The following ERCC6 variants were observed in gnomAD, a reference collection of about 807,000 sequenced individuals.
ERCC6 encodes the protein DNA excision repair protein ERCC-6.
In ERCC6, 116 loss-of-function variants were observed where a neutral mutation model predicts 158.7. The ratio of observed to expected loss-of-function variants is 0.73; its 90% CI spans 0.63 to 0.85. ERCC6 has a LOEUF of 0.85. Among genes scored for constraint, ERCC6 ranks in the 40% least tolerant of loss-of-function variants. The pLI is 0.00. For missense variants in ERCC6, 1,698 were observed against 1,799.4 expected (o/e 0.94, Z 1.02); for synonymous variants, 678 against 659.3 (o/e 1.03, Z -0.43).
chr10:49,536,630 G>A (rs1234297068), intron 1 of ERCC6, among the ~76,000 whole-genome samples: 1 of 152,212 alleles, frequency 6.6e-6, no homozygotes, highest in Non-Finnish European at 1.5e-5. Flanking sequence ...CTGTACAAGA[G>A]AAAAGGGAGT....
chr10:49,519,510 C>A (rs780313873), intron 5 of ERCC6, among the ~76,000 whole-genome samples: 19 of 152,156 alleles, frequency 1.2e-4, no homozygotes, highest in Non-Finnish European at 2.2e-4. Flanking sequence ...GCAGAGGAAC[C>A]AACTCAAATC....
intron 15 of ERCC6, 63 bp downstream of exon 15, chr10:49,472,846 A>G: frequency 6.3e-7 from 1 of 1,581,756 alleles, no homozygotes. Flanking sequence ...GACAGTCAAA[A>G]GCGCTAACCA....
intron 15 of ERCC6, 36 bp downstream of exon 15, chr10:49,472,872 AC>A: frequency 2.5e-6 from 4 of 1,603,712 alleles, no homozygotes; most frequent in Non-Finnish European, 3.4e-6. Flanking sequence ...CTATATTTCT[AC>A]TAATACATTC....
At chr10:49,518,864 GA>G (rs1837065976) in intron 5 of ERCC6, among the ~76,000 whole-genome samples, 1 of 152,172 alleles carries the variant, frequency 6.6e-6, no homozygotes, top group African/African-American at 2.4e-5. Context: ...CTTACACAAT[GA>G]ATGGAATCTT....
rs758120957 is a variant in ERCC6 at position 49,524,790 on chromosome 10, T to C, written c.653-13A>G. ...GATGGCCCCGGCTCTGAAAGAACAA[T>C]AGCAATGCGTTTCGCACTAGCATGA... On this transcript the variant is annotated splice_polypyrimidine_tract_variant and intron_variant, in intron 4 of 20. Coordinates refer to ENST00000355832, the MANE Select transcript of ERCC6 (RefSeq NM_000124.4). 107 of 1,599,702 alleles carry C rather than the reference T, an allele frequency of 6.7e-5. No individual in the cohort carries two copies. Among genetic ancestry groups the C allele is most frequent in the Non-Finnish European group, 8.8e-5 (104 of 1,179,880 alleles).
intron 8 of ERCC6, among the ~76,000 whole-genome samples, chr10:49,484,583 TAAAA>T (rs1851044279): frequency 6.6e-6 from 1 of 151,778 alleles, no homozygotes; most frequent in Non-Finnish European, 1.5e-5. Context: ...CTACAAAAAA[TAAAA>T]AAATTAGCAC....
At chr10:49,476,810 T>C (rs4253185) in intron 11 of ERCC6, among the ~76,000 whole-genome samples, 4 of 152,092 alleles carry the variant, frequency 2.6e-5, no homozygotes, top group Non-Finnish European at 5.9e-5. Context: ...TCGTGCTCTG[T>C]GACCCTTCAC....
chr10:49,450,348 T>TA (rs71026249), downstream of ERCC6, among the ~76,000 whole-genome samples: 1 of 152,142 alleles, frequency 6.6e-6, no homozygotes, highest in Non-Finnish European at 1.5e-5. Flanking sequence ...CACCATTTTT[T>TA]AAAAAAATAC....
intron 18 of ERCC6, among the ~76,000 whole-genome samples, chr10:49,467,798 G>A (rs190840145): frequency 6.6e-6 from 1 of 152,006 alleles, no homozygotes; most frequent in African/African-American, 2.4e-5. Context: ...TGAACTCCTA[G>A]GCTCAAGCAA....
intron 1 of ERCC6, among the ~76,000 whole-genome samples, chr10:49,538,053 G>A (rs1260671721): frequency 6.6e-6 from 1 of 152,218 alleles, no homozygotes; most frequent in African/African-American, 2.4e-5. Flanking sequence ...CTGGAACACC[G>A]AATTTTTGAC....
At chr10:49,436,950 A>T in the ERCC6 span, among the ~76,000 whole-genome samples, 1 of 152,206 alleles carries the variant, frequency 6.6e-6, no homozygotes, top group Non-Finnish European at 1.5e-5. Flanking sequence ...AAGTACAGTG[A>T]TATGGTTTGG....
chr10:49,537,521 ACAC>A (rs1837630458), intron 1 of ERCC6, among the ~76,000 whole-genome samples: 1 of 151,736 alleles, frequency 6.6e-6, no homozygotes, highest in African/African-American at 2.4e-5. Context: ...ACACACACAC[ACAC>A]ACACACACAC....
At position 49,458,723 on chromosome 10, in the gene ERCC6, C is replaced by T; in HGVS notation, c.*92G>A. On this transcript the variant is annotated 3_prime_UTR_variant, in exon 21 of 21. Coordinates refer to ENST00000355832, the MANE Select transcript of ERCC6 (RefSeq NM_000124.4). ...GCAAACAAACATCAAGTGCAGCCAA[C>T]TTCCATTGACAAACATGATTATTAA... The T allele has an allele frequency of 7.5e-7, 1 of 1,332,226 alleles. No homozygotes were observed. Among genetic ancestry groups the T allele is most frequent in the South Asian group, 1.2e-5 (1 of 81,538 alleles). 82.5% of individuals were successfully genotyped at this position (1,332,226 alleles called of 1,614,324 possible).
At chr10:49,515,565 C>A in intron 5 of ERCC6, 1 of 1,614,026 alleles carries the variant, frequency 6.2e-7, no homozygotes, top group South Asian at 1.1e-5. Context: ...TACCACACGT[C>A]GACGAAACTC....
chr10:49,473,134 A>T, intron 14 of ERCC6, 106 bp from the exon 15 acceptor site: 1 of 1,483,488 alleles, frequency 6.7e-7, no homozygotes, highest in Non-Finnish European at 9.4e-7. Context: ...GCTGTTCCCA[A>T]TATAAGGAAT....
chr10:49,481,161 T>C (rs1850971885), intron 10 of ERCC6, among the ~76,000 whole-genome samples: 1 of 152,134 alleles, frequency 6.6e-6, no homozygotes, highest in Admixed American at 6.5e-5. Flanking sequence ...TGAATCTACA[T>C]GGAAAGAGGT....
intron 8 of ERCC6, among the ~76,000 whole-genome samples, chr10:49,484,016 C>T (rs1438843679): frequency 6.6e-6 from 1 of 151,868 alleles, no homozygotes; most frequent in Non-Finnish European, 1.5e-5. Flanking sequence ...CAGTGGCTCA[C>T]AACTGTAATC....
At chr10:49,510,724 G>A (rs1477951551) in intron 5 of ERCC6, among the ~76,000 whole-genome samples, 1 of 152,192 alleles carries the variant, frequency 6.6e-6, no homozygotes, top group African/African-American at 2.4e-5. Context: ...CTGAATGAAT[G>A]AATGAAGTTC....
At chr10:49,489,422 A>G (rs911882982) in intron 8 of ERCC6, among the ~76,000 whole-genome samples, 3 of 152,232 alleles carry the variant, frequency 2.0e-5, no homozygotes, top group Admixed American at 6.5e-5. Flanking sequence ...ACCAAAATTT[A>G]CCCATTTTAT....
Sources: allele counts gnomAD v4.1 joint callset (sites outside exome capture counted in the v4.1 genomes callset), GRCh38; gene constraint gnomAD v4.1.1; transcripts MANE v1.5; gene names NCBI Gene and HGNC (gene_info 2026-07-23, HGNC 2026-07-21).